Variants in ZMAT4 observed in about 807,000 individuals in gnomAD.
ZMAT4 encodes zinc finger matrin-type 4, also known as zinc finger matrin-type protein 4.
Under a neutral mutation model 28.7 loss-of-function variants are expected in ZMAT4, and 17 were observed. The ratio of observed to expected loss-of-function variants is 0.59; its 90% CI spans 0.41 to 0.89. ZMAT4 has a LOEUF of 0.89. ZMAT4 is among the 40% of genes least tolerant of loss of function. The pLI is 0.00. For synonymous variants in ZMAT4, 117 were observed against 109.2 expected, an observed-to-expected ratio of 1.07 and a Z score of -0.44; for missense variants, 240 against 283.8, an observed-to-expected ratio of 0.85 and a Z score of 1.11.
chr8:40,627,768 T>C (rs1806427791), intron 5 of ZMAT4, among the ~76,000 whole-genome samples: 1 of 152,188 alleles, frequency 6.6e-6, no homozygotes, highest in Non-Finnish European at 1.5e-5. Context: ...ACATTCCCTA[T>C]GTTCAACAAA....
At chr8:40,633,720 GGGACT>G (rs1806684551) in intron 5 of ZMAT4, among the ~76,000 whole-genome samples, 1 of 152,170 alleles carries the variant, frequency 6.6e-6, no homozygotes, top group Middle Eastern at 3.2e-3. Context: ...CTTCTCAAAG[GGGACT>G]GGCTAAGTGG....
chr8:40,886,042 C>T (rs1297224821), intron 1 of ZMAT4, among the ~76,000 whole-genome samples: 1 of 152,224 alleles, frequency 6.6e-6, no homozygotes, highest in African/African-American at 2.4e-5. Flanking sequence ...CAATTCCCAA[C>T]ATTCTGAGCA....
chr8:40,596,332 TCAA>T (rs1355984126), intron 5 of ZMAT4, among the ~76,000 whole-genome samples: 33 of 152,214 alleles, frequency 2.2e-4, no homozygotes, highest in African/African-American at 8.0e-4. Flanking sequence ...CAATAATAAA[TCAA>T]CTTCAGCTTA....
At chr8:40,676,521 A>G (rs550677160) in intron 4 of ZMAT4, among the ~76,000 whole-genome samples, 1 of 152,312 alleles carries the variant, frequency 6.6e-6, no homozygotes, top group East Asian at 1.9e-4. Context: ...CGAGACCTCA[A>G]TAACAAGTTA....
At chr8:40,872,805 G>GA (rs1239060038) in intron 1 of ZMAT4, among the ~76,000 whole-genome samples, 4 of 152,198 alleles carry the variant, frequency 2.6e-5, no homozygotes. Context: ...GGGCCCAAAG[G>GA]AGATTTTGCT....
chr8:40,654,649 G>GT (rs1343130846), intron 5 of ZMAT4, among the ~76,000 whole-genome samples: 2 of 152,138 alleles, frequency 1.3e-5, no homozygotes, highest in African/African-American at 4.8e-5. Flanking sequence ...TGCAAGGTTG[G>GT]TTTAACGTAT....
In ZMAT4 at chr8:40,624,114, A is replaced by C. The variant is rs561058458; in HGVS notation, c.578-42853T>G. ...CTATGGACTGGATTATGTGCCCCCAAAATTCATATGTTGAAGCCCTAAACC... is the reference window on the plus strand; with the variant it reads ...CTATGGACTGGATTATGTGCCCCCACAATTCATATGTTGAAGCCCTAAACC... On this transcript the variant is annotated intron_variant, in intron 5 of 6. Coordinates refer to ENST00000297737, the MANE Select transcript of ZMAT4 (RefSeq NM_024645.3). 2.8e-4 allele frequency among the ~76,000 whole-genome samples: 43 copies of C among 152,310 alleles called. No homozygotes were observed. The South Asian group carries it at 8.7e-3, about 31-fold the overall frequency.
intron 3 of ZMAT4, among the ~76,000 whole-genome samples, chr8:40,755,937 G>A (rs996094326): frequency 4.6e-5 from 7 of 152,084 alleles, no homozygotes; most frequent in Admixed American, 6.5e-5. Flanking sequence ...ATACTAAATC[G>A]CATCTATTGA....
chr8:40,658,477 T>C (rs929485697), intron 5 of ZMAT4, among the ~76,000 whole-genome samples: 1 of 151,884 alleles, frequency 6.6e-6, no homozygotes, highest in Non-Finnish European at 1.5e-5. Flanking sequence ...GGAATTGGGA[T>C]GGGGCATGGG....
chr8:40,562,830 C>T (rs1412251982), intron 6 of ZMAT4, among the ~76,000 whole-genome samples: 1 of 152,172 alleles, frequency 6.6e-6, no homozygotes. Flanking sequence ...TTCTGAAGCA[C>T]TAATCTGTCC....
intron 1 of ZMAT4, among the ~76,000 whole-genome samples, chr8:40,851,582 A>G (rs1258196328): frequency 6.6e-6 from 1 of 152,222 alleles, no homozygotes; most frequent in Non-Finnish European, 1.5e-5. Flanking sequence ...CTATGCTTGC[A>G]ACATTTTATT....
At chr8:40,885,975 T>C (rs1818437719) in intron 1 of ZMAT4, among the ~76,000 whole-genome samples, 1 of 152,238 alleles carries the variant, frequency 6.6e-6, no homozygotes, top group Non-Finnish European at 1.5e-5. Context: ...TCTGAGAGGC[T>C]GGGAACTGGG....
At chr8:40,666,763 C>T (rs1370216181) in intron 5 of ZMAT4, among the ~76,000 whole-genome samples, 2 of 152,080 alleles carry the variant, frequency 1.3e-5, no homozygotes, top group African/African-American at 4.8e-5. Context: ...TCAAACGACA[C>T]AAGTTTGAAC....
intron 4 of ZMAT4, among the ~76,000 whole-genome samples, chr8:40,681,775 T>C (rs1204977504): frequency 6.6e-6 from 1 of 152,196 alleles, no homozygotes; most frequent in Non-Finnish European, 1.5e-5. Context: ...TATTTGATAG[T>C]TTCATTAAAC....
At chr8:40,895,390 G>A (rs1372756524) in intron 1 of ZMAT4, among the ~76,000 whole-genome samples, 2 of 152,214 alleles carry the variant, frequency 1.3e-5, no homozygotes, top group Non-Finnish European at 2.9e-5. Context: ...CAGCAGAGGC[G>A]CTGGGTCCTG....
chr8:40,683,117 T>C (rs1809248233), intron 4 of ZMAT4, among the ~76,000 whole-genome samples: 2 of 152,152 alleles, frequency 1.3e-5, no homozygotes, highest in Non-Finnish European at 1.5e-5. Context: ...AGGTGTTAAA[T>C]AAACCCTTCC....
intron 5 of ZMAT4, among the ~76,000 whole-genome samples, chr8:40,600,683 G>A (rs1354001504): frequency 1.3e-5 from 2 of 152,148 alleles, no homozygotes; most frequent in South Asian, 2.1e-4. Flanking sequence ...GGGCTCCAAC[G>A]GTCTAGAGTG....
chr8:40,728,135 C>T (rs970485999), intron 3 of ZMAT4, among the ~76,000 whole-genome samples: 3 of 152,042 alleles, frequency 2.0e-5, no homozygotes, highest in Admixed American at 6.6e-5. Flanking sequence ...GGGAAACACA[C>T]GAAATTATAA....
At chr8:40,741,631 A>G (rs1367549108) in intron 3 of ZMAT4, among the ~76,000 whole-genome samples, 1 of 152,172 alleles carries the variant, frequency 6.6e-6, no homozygotes, top group Non-Finnish European at 1.5e-5. Context: ...ACTTTCATAT[A>G]TCGGTGCTGG....
Sources: allele counts gnomAD v4.1 joint callset (sites outside exome capture counted in the v4.1 genomes callset), GRCh38; gene constraint gnomAD v4.1.1; transcripts MANE v1.5; gene names NCBI Gene and HGNC (gene_info 2026-07-23, HGNC 2026-07-21).